The following PTPRM variants were observed in gnomAD, a reference collection of about 807,000 sequenced individuals.
The protein encoded by PTPRM is receptor-type tyrosine-protein phosphatase mu.
PTPRM carries 47 observed loss-of-function variants against 186.7 expected under a neutral mutation model. That is an observed-to-expected ratio of 0.25 (90% confidence interval 0.20 to 0.32). The LOEUF is 0.32. Ranked by LOEUF, PTPRM falls within the 10% of genes least tolerant of loss-of-function variation. The probability of loss-of-function intolerance (pLI) is 1.00; values close to 1 mark genes in which losing one functional copy is unlikely to be tolerated. For synonymous variants in PTPRM, 668 were observed against 674.9 expected (o/e 0.99, Z 0.16); for missense variants, 1,494 against 1,865.0 (o/e 0.80, Z 3.66).
At chr18:8,006,841 G>A (rs935528641) in intron 7 of PTPRM, among the ~76,000 whole-genome samples, 1 of 152,134 alleles carries the variant, frequency 6.6e-6, no homozygotes, top group African/African-American at 2.4e-5. Context: ...TTTTAATGTG[G>A]ATTTTCTCCA....
intron 3 of PTPRM, among the ~76,000 whole-genome samples, chr18:7,896,015 T>A (rs761682526): frequency 6.6e-6 from 1 of 152,242 alleles, no homozygotes; most frequent in Non-Finnish European, 1.5e-5. Context: ...GGAATACAGC[T>A]AATCGCAGGT....
At chr18:8,378,928 AG>A (rs2095713337) in intron 27 of PTPRM, among the ~76,000 whole-genome samples, 1 of 151,984 alleles carries the variant, frequency 6.6e-6, no homozygotes, top group South Asian at 2.1e-4. Flanking sequence ...TCTTAATTCT[AG>A]GGACCCACAG....
At chr18:8,322,210 T>C (rs1295988936) in intron 22 of PTPRM, among the ~76,000 whole-genome samples, 1 of 152,184 alleles carries the variant, frequency 6.6e-6, no homozygotes, top group Non-Finnish European at 1.5e-5. Context: ...TGCACAGATG[T>C]TCATCAAGTT....
intron 13 of PTPRM, among the ~76,000 whole-genome samples, chr18:8,118,473 T>C (rs898894280): frequency 6.6e-6 from 1 of 152,178 alleles, no homozygotes; most frequent in African/African-American, 2.4e-5. Flanking sequence ...CTTTGAATGC[T>C]TCCCAGCACG....
chr18:8,016,928 G>A (rs1010263908), intron 7 of PTPRM, among the ~76,000 whole-genome samples: 10 of 152,056 alleles, frequency 6.6e-5, no homozygotes, highest in Non-Finnish European at 1.5e-4. Context: ...CAATATTCAC[G>A]CATTAATAGA....
chr18:8,167,096 G>A (rs1055521629), intron 14 of PTPRM, among the ~76,000 whole-genome samples: 11 of 152,196 alleles, frequency 7.2e-5, no homozygotes, highest in African/African-American at 2.4e-4. Flanking sequence ...AGGAGACCTG[G>A]GTGCCTCTGG....
At chr18:7,716,697 A>G (rs994310586) in intron 1 of PTPRM, among the ~76,000 whole-genome samples, 1 of 152,238 alleles carries the variant, frequency 6.6e-6, no homozygotes, top group Non-Finnish European at 1.5e-5. Context: ...TCTCAATAGA[A>G]GATATTGATG....
chr18:7,689,809 A>T (rs1199594808), intron 1 of PTPRM, among the ~76,000 whole-genome samples: 1 of 152,278 alleles, frequency 6.6e-6, no homozygotes, highest in African/African-American at 2.4e-5. Flanking sequence ...TTAATTTTTT[A>T]AAAATAATAT....
intron 4 of PTPRM, among the ~76,000 whole-genome samples, chr18:7,911,908 A>G (rs2050291744): frequency 7.8e-6 from 1 of 127,688 alleles, no homozygotes; most frequent in Non-Finnish European, 1.5e-5. Context: ...GCTGGAGTGC[A>G]GTGCTGTGAT....
intron 31 of PTPRM, among the ~76,000 whole-genome samples, chr18:8,393,265 A>G (rs568890996): frequency 1.3e-5 from 2 of 152,352 alleles, no homozygotes; most frequent in South Asian, 4.1e-4. Flanking sequence ...TCTTACCGAA[A>G]TGCACGGCCT....
At chr18:8,107,999 C>A (rs2091598099) in intron 11 of PTPRM, among the ~76,000 whole-genome samples, 1 of 152,084 alleles carries the variant, frequency 6.6e-6, no homozygotes, top group South Asian at 2.1e-4. Context: ...ATTAGGGTGT[C>A]ATTTCAGTAA....
intron 7 of PTPRM, among the ~76,000 whole-genome samples, chr18:8,054,942 G>C (rs1299264739): frequency 6.6e-6 from 1 of 151,940 alleles, no homozygotes; most frequent in African/African-American, 2.4e-5. Context: ...TTTGTACTTT[G>C]AATATTTTGT....
At chr18:7,791,126 C>CTT (rs919480362) in intron 2 of PTPRM, among the ~76,000 whole-genome samples, 8 of 151,964 alleles carry the variant, frequency 5.3e-5, no homozygotes, top group African/African-American at 1.9e-4. Flanking sequence ...TTTTACTTAC[C>CTT]TTTTATGCCA....
chr18:7,991,453 A>G (rs1292953162), intron 7 of PTPRM, among the ~76,000 whole-genome samples: 1 of 152,178 alleles, frequency 6.6e-6, no homozygotes, highest in Non-Finnish European at 1.5e-5. Context: ...GTGACAAAGA[A>G]CAGAGGCAAA....
chr18:8,251,074 A>T (rs1184174548), intron 17 of PTPRM, among the ~76,000 whole-genome samples: 2 of 152,176 alleles, frequency 1.3e-5, no homozygotes, highest in African/African-American at 4.8e-5. Flanking sequence ...CGTGTTCCAC[A>T]CTAGTAATGA....
chr18:8,047,484 G>A (rs528452889), intron 7 of PTPRM, among the ~76,000 whole-genome samples: 3 of 152,234 alleles, frequency 2.0e-5, no homozygotes, highest in East Asian at 3.9e-4. Flanking sequence ...AAAGAAGATA[G>A]CACCAAAGAA....
At chr18:7,756,655 A>G (rs938170362) in intron 1 of PTPRM, among the ~76,000 whole-genome samples, 1 of 152,186 alleles carries the variant, frequency 6.6e-6, no homozygotes, top group Admixed American at 6.5e-5. Context: ...TAGTCATCCC[A>G]CTATGATTGT....
intron 1 of PTPRM, among the ~76,000 whole-genome samples, chr18:7,719,184 C>T (rs1232681986): frequency 1.3e-5 from 2 of 152,098 alleles, no homozygotes; most frequent in Non-Finnish European, 2.9e-5. Context: ...AGAAAATGTG[C>T]TATGTATACA....
intron 1 of PTPRM, among the ~76,000 whole-genome samples, chr18:7,605,241 A>G (rs1261238105): frequency 6.6e-6 from 1 of 152,210 alleles, no homozygotes; most frequent in Non-Finnish European, 1.5e-5. Flanking sequence ...TTTGGGCCAC[A>G]TTCAAAGCCT....
Sources: allele counts gnomAD v4.1 joint callset (sites outside exome capture counted in the v4.1 genomes callset), GRCh38; gene constraint gnomAD v4.1.1; transcripts MANE v1.5; gene names NCBI Gene and HGNC (gene_info 2026-07-23, HGNC 2026-07-21).